LPP: variants seen among roughly 807,000 people sequenced by gnomAD.
LPP encodes LIM domain containing preferred translocation partner in lipoma.
Under a neutral mutation model 60.4 loss-of-function variants are expected in LPP, and 38 were observed. The ratio of observed to expected loss-of-function variants is 0.63; its 90% CI spans 0.49 to 0.83. LPP has a LOEUF of 0.83. LPP is among the 40% of genes least tolerant of loss of function. The pLI is 0.00. For synonymous variants in LPP, 328 were observed against 290.8 expected (o/e 1.13, Z -1.30); for missense variants, 902 against 783.6 (o/e 1.15, Z -1.80).
At position 188,505,078 on chromosome 3, in the gene LPP, C is replaced by T. The variant is rs555805122; in HGVS notation, c.307-19587C>T. On this transcript the variant is annotated intron_variant, in intron 5 of 11. Transcript: ENST00000617246. ...AGTTGCTATTGTGCTGAGATGTAAA[C>T]TTTACCTAAATTAACCACAACTTAC... Among the ~76,000 whole-genome samples, 41 of 152,272 alleles carry T rather than the reference C, an allele frequency of 2.7e-4. 1 individual carries two copies. The East Asian group carries it at 6.8e-3, about 25-fold the overall frequency.
intron 7 of LPP, among the ~76,000 whole-genome samples, chr3:188,641,221 T>G (rs1850046711): frequency 6.6e-6 from 1 of 152,252 alleles, no homozygotes; most frequent in Admixed American, 6.5e-5. Context: ...TGTTTTTGAA[T>G]AAACATAATC....
chr3:188,372,878 C>T lies in LPP; in HGVS notation c.-10+31159C>T, dbSNP rs372535814. On this transcript the variant is annotated intron_variant, in intron 3 of 11. Coordinates refer to ENST00000617246, the MANE Select transcript of LPP (RefSeq NM_001375462.1). ...CCACCTCCCCTAACCCCACAACAGG[C>T]CCCGGTGTGTGATGTTCCCCTTCCT... Among the ~76,000 whole-genome samples the T allele has an allele frequency of 3.1e-4, 47 of 152,064 alleles. No homozygotes were observed. The East Asian group carries it at 3.1e-3, about 10-fold the overall frequency.
chr3:188,205,010 AC>A (rs1482301203), intron 1 of LPP, among the ~76,000 whole-genome samples: 2 of 152,192 alleles, frequency 1.3e-5, no homozygotes, highest in African/African-American at 4.8e-5. Context: ...AGAAACCAGT[AC>A]CTGCTACTTA....
chr3:188,488,990 G>T (rs1221511293), intron 5 of LPP, among the ~76,000 whole-genome samples: 1 of 152,070 alleles, frequency 6.6e-6, no homozygotes, highest in Non-Finnish European at 1.5e-5. Flanking sequence ...CCTCTTTTCA[G>T]CCAGGCCATA....
chr3:188,562,299 G>A (rs916467192), intron 6 of LPP: 12 of 151,984 alleles, frequency 7.9e-5, no homozygotes, highest in East Asian at 5.8e-4. Context: ...GTTTATCTCC[G>A]TTGTTGGTTG....
chr3:188,233,460 T>C (rs980402427), intron 2 of LPP, among the ~76,000 whole-genome samples: 6 of 152,200 alleles, frequency 3.9e-5, no homozygotes, highest in African/African-American at 1.4e-4. Context: ...TCACCGTGGT[T>C]CAATGCCAAC....
At chr3:188,640,257 C>T (rs4686988) in intron 7 of LPP, among the ~76,000 whole-genome samples, 25,738 of 150,442 alleles carry the variant, frequency 0.17, 2,509 homozygotes, top group South Asian at 0.33. Flanking sequence ...TCTCAGTAAG[C>T]TATCGCAAGA....
intron 7 of LPP, among the ~76,000 whole-genome samples, chr3:188,696,814 T>G (rs1363487972): frequency 6.6e-6 from 1 of 152,178 alleles, no homozygotes; most frequent in Non-Finnish European, 1.5e-5. Context: ...TCATATACCT[T>G]GATTTCCTGA....
At chr3:188,513,543 A>G (rs1288805948) in intron 5 of LPP, among the ~76,000 whole-genome samples, 3 of 152,162 alleles carry the variant, frequency 2.0e-5, no homozygotes, top group Non-Finnish European at 2.9e-5. Context: ...TTATTGATGA[A>G]TAGATAATAT....
At position 188,520,233 on chromosome 3, in the gene LPP, T is replaced by G. The variant is rs1043108576; in HGVS notation, c.307-4432T>G. ...GAATGGTTTATTCATAGGATTTTTG[T>G]GGTCCTTGGTAAAGGGACGCTGTCA... On this transcript the variant is annotated intron_variant, in intron 5 of 11. Coordinates refer to ENST00000617246, the MANE Select transcript of LPP (RefSeq NM_001375462.1). Among the ~76,000 whole-genome samples the G allele has an allele frequency of 2.6e-5, 4 of 152,252 alleles. No individual in the cohort carries two copies. The South Asian group carries it at 8.3e-4, about 32-fold the overall frequency.
intron 6 of LPP, among the ~76,000 whole-genome samples, chr3:188,582,063 T>A (rs183126645): frequency 2.7e-4 from 41 of 152,230 alleles, no homozygotes; most frequent in Middle Eastern, 3.4e-3. Flanking sequence ...GTTGGTTTTC[T>A]TCCTACCATT....
intron 3 of LPP, among the ~76,000 whole-genome samples, chr3:188,375,868 T>G (rs1467793714): frequency 6.6e-6 from 1 of 152,202 alleles, no homozygotes; most frequent in African/African-American, 2.4e-5. Flanking sequence ...CTCTACACAC[T>G]GCTTTGAATG....
intron 4 of LPP, among the ~76,000 whole-genome samples, chr3:188,455,893 T>A (rs2030522): frequency 0.07 from 10,606 of 152,102 alleles, 563 homozygotes; most frequent in East Asian, 0.25. Context: ...AAAAAAAAAT[T>A]TTTTTATTTG....
chr3:188,528,877 G>T (rs1371858736), intron 6 of LPP, among the ~76,000 whole-genome samples: 1 of 152,146 alleles, frequency 6.6e-6, no homozygotes, highest in African/African-American at 2.4e-5. Flanking sequence ...AGTCATCTGA[G>T]TGACACTGTC....
chr3:188,375,238 G>A (rs1011614086), intron 3 of LPP, among the ~76,000 whole-genome samples: 2 of 151,888 alleles, frequency 1.3e-5, no homozygotes, highest in African/African-American at 4.8e-5. Flanking sequence ...AGTTAGGGAG[G>A]ATTCCCTCTA....
intron 6 of LPP, among the ~76,000 whole-genome samples, chr3:188,608,404 T>G (rs1364645027): frequency 6.6e-6 from 1 of 152,188 alleles, no homozygotes. Flanking sequence ...ATTTCTAGTT[T>G]CCCTAACATC....
At chr3:188,153,314 C>G (rs1715081482), upstream of LPP, 1 of 152,242 alleles carries the variant, frequency 6.6e-6, no homozygotes, top group African/African-American at 2.4e-5. Flanking sequence ...AGTTTCCTCA[C>G]GTGCCAAGCG....
intron 4 of LPP, among the ~76,000 whole-genome samples, chr3:188,470,455 A>C (rs986974398): frequency 1.3e-5 from 2 of 152,142 alleles, no homozygotes; most frequent in Non-Finnish European, 2.9e-5. Flanking sequence ...CCCACTCAGG[A>C]AATATTTTCC....
intron 1 of LPP, among the ~76,000 whole-genome samples, chr3:188,189,280 G>T (rs1373619627): frequency 6.6e-6 from 1 of 152,090 alleles, no homozygotes; most frequent in Non-Finnish European, 1.5e-5. Context: ...TAGTGACAGG[G>T]TTTCACCATG....
Sources: gnomAD v4.1 joint callset for allele counts (sites outside exome capture counted in the v4.1 genomes callset) on GRCh38, gnomAD v4.1.1 for gene constraint, MANE v1.5 for transcripts, NCBI Gene and HGNC (gene_info 2026-07-23, HGNC 2026-07-21) for gene names.